PTPRD: variants seen among roughly 807,000 people sequenced by gnomAD.
PTPRD encodes protein tyrosine phosphatase receptor type D, also known as receptor-type tyrosine-protein phosphatase delta.
In PTPRD, 34 loss-of-function variants were observed where a neutral mutation model predicts 214.5. The observed-to-expected ratio is 0.16, with a 90% CI of 0.12 to 0.21. PTPRD has a LOEUF of 0.21. PTPRD is among the 10% of genes least tolerant of loss of function. The probability of loss-of-function intolerance (pLI) is 1.00; values close to 1 mark genes in which losing one functional copy is unlikely to be tolerated. For missense variants in PTPRD, 2,545 were observed against 2,398.7 expected (o/e 1.06, Z -1.27); for synonymous variants, 1,128 against 845.7 (o/e 1.33, Z -5.79).
At chr9:8,666,780 A>G (rs1394566301) in intron 12 of PTPRD, among the ~76,000 whole-genome samples, 2 of 152,212 alleles carry the variant, frequency 1.3e-5, no homozygotes, top group African/African-American at 4.8e-5. Flanking sequence ...ATCTAGCAGA[A>G]CATAACTGCC....
Position 9,125,379 on chromosome 9 carries a change from G to C in PTPRD, c.-143+57925C>G, listed in dbSNP as rs2099828222. ...ACTGTGAGAATTACCTTGTGTGAAG[G>C]CTTTCTCTAATTTGCTCTCTCACTC... On this transcript the variant is annotated intron_variant, in intron 10 of 45. Transcript: ENST00000381196. 2.0e-5 allele frequency among the ~76,000 whole-genome samples: 3 copies of C among 152,062 alleles called. No homozygotes were observed. In the South Asian group the frequency reaches 6.2e-4, roughly 32 times the overall value.
chr9:9,707,392 T>C (rs994290223), intron 7 of PTPRD, among the ~76,000 whole-genome samples: 1 of 152,210 alleles, frequency 6.6e-6, no homozygotes, highest in Non-Finnish European at 1.5e-5. Context: ...AGAGATGAGA[T>C]ATATTTCATT....
chr9:8,345,302 C>G (rs1252526426), intron 39 of PTPRD, among the ~76,000 whole-genome samples: 1 of 152,166 alleles, frequency 6.6e-6, no homozygotes, highest in African/African-American at 2.4e-5. Context: ...GTCATGCACG[C>G]CATACCTGGA....
At chr9:9,699,993 G>A (rs1268229905) in intron 7 of PTPRD, among the ~76,000 whole-genome samples, 2 of 152,102 alleles carry the variant, frequency 1.3e-5, no homozygotes, top group Admixed American at 1.3e-4. Flanking sequence ...TTGGTACGCT[G>A]ATGTTACTTT....
intron 7 of PTPRD, among the ~76,000 whole-genome samples, chr9:9,627,692 A>C (rs970123731): frequency 1.3e-5 from 2 of 152,200 alleles, no homozygotes; most frequent in African/African-American, 2.4e-5. Context: ...GTAGAGAGAG[A>C]GAGCTTTCCA....
chr9:8,511,127 G>A (rs981274900), intron 21 of PTPRD, among the ~76,000 whole-genome samples: 1 of 152,044 alleles, frequency 6.6e-6, no homozygotes, highest in Non-Finnish European at 1.5e-5. Context: ...GGAGTGCAAT[G>A]GCACAATCAT....
At chr9:10,600,191 A>G (rs1246484070) in intron 2 of PTPRD, among the ~76,000 whole-genome samples, 1 of 151,800 alleles carries the variant, frequency 6.6e-6, no homozygotes, top group Non-Finnish European at 1.5e-5. Context: ...CATTATATAA[A>G]TCAATTTTCT....
At chr9:9,817,224 T>C (rs1469701495) in intron 5 of PTPRD, among the ~76,000 whole-genome samples, 1 of 152,162 alleles carries the variant, frequency 6.6e-6, no homozygotes, top group African/African-American at 2.4e-5. Context: ...TTAAAACTCA[T>C]TGCTAAATCT....
chr9:9,460,318 C>A (rs1400884966), intron 8 of PTPRD, among the ~76,000 whole-genome samples: 1 of 151,882 alleles, frequency 6.6e-6, no homozygotes, highest in African/African-American at 2.4e-5. Flanking sequence ...AAAGCAAATG[C>A]AACAACAATA....
chr9:9,131,277 A>G (rs1256653111), intron 10 of PTPRD, among the ~76,000 whole-genome samples: 4 of 152,182 alleles, frequency 2.6e-5, no homozygotes, highest in African/African-American at 9.7e-5. Context: ...TTAGTATGAA[A>G]ACTTTTAGTA....
chr9:9,250,367 C>T (rs183269868), intron 9 of PTPRD, among the ~76,000 whole-genome samples: 8 of 152,064 alleles, frequency 5.3e-5, no homozygotes, highest in Non-Finnish European at 7.4e-5. Context: ...ATACTAATAT[C>T]TGCCCTATCT....
At chr9:10,210,559 T>G (rs193148785) in intron 3 of PTPRD, among the ~76,000 whole-genome samples, 1 of 151,658 alleles carries the variant, frequency 6.6e-6, no homozygotes, top group African/African-American at 2.4e-5. Context: ...TTCCACTAGT[T>G]ATAAGTCCTC....
chr9:8,521,247 G>A (rs762998950), intron 20 of PTPRD, 30 bp downstream of exon 20: 1 of 1,588,830 alleles, frequency 6.3e-7, no homozygotes, highest in Non-Finnish European at 8.6e-7. Context: ...AGTGTACCCA[G>A]ATCCTCAAAG....
intron 5 of PTPRD, among the ~76,000 whole-genome samples, chr9:9,925,454 T>C (rs191659378): frequency 5.3e-5 from 8 of 152,260 alleles, no homozygotes; most frequent in Admixed American, 2.0e-4. Context: ...TTCTATATTA[T>C]ATAAATAATC....
chr9:9,277,554 C>A (rs549568190), intron 9 of PTPRD, among the ~76,000 whole-genome samples: 3 of 151,220 alleles, frequency 2.0e-5, no homozygotes, highest in African/African-American at 7.3e-5. Flanking sequence ...GATCTCTTAC[C>A]CAAATATTAA....
intron 2 of PTPRD, among the ~76,000 whole-genome samples, chr9:10,512,737 G>A (rs182223445): frequency 6.6e-6 from 1 of 152,004 alleles, no homozygotes; most frequent in Admixed American, 6.6e-5. Flanking sequence ...AAAAATACAA[G>A]CTACCTAATA....
chr9:9,516,999 A>G (rs1032067774), intron 8 of PTPRD, among the ~76,000 whole-genome samples: 12 of 151,534 alleles, frequency 7.9e-5, no homozygotes, highest in Non-Finnish European at 2.9e-5. Context: ...ATATAAACAT[A>G]ATAAATGCTG....
chr9:9,957,054 C>G (rs1309568963), intron 4 of PTPRD, among the ~76,000 whole-genome samples: 3 of 152,102 alleles, frequency 2.0e-5, no homozygotes, highest in South Asian at 2.1e-4. Context: ...CCATGTATAG[C>G]TGAAGCTCAT....
intron 7 of PTPRD, among the ~76,000 whole-genome samples, chr9:9,615,103 A>G (rs550092904): frequency 1.4e-4 from 22 of 152,226 alleles, no homozygotes; most frequent in African/African-American, 5.3e-4. Flanking sequence ...CACTGGCTCA[A>G]TACTTGTCCT....
Sources: allele counts gnomAD v4.1 joint callset (sites outside exome capture counted in the v4.1 genomes callset), GRCh38; gene constraint gnomAD v4.1.1; transcripts MANE v1.5; gene names NCBI Gene and HGNC (gene_info 2026-07-23, HGNC 2026-07-21).